The following KPNA3 variants were observed in gnomAD, a reference collection of about 807,000 sequenced individuals.
KPNA3 encodes importin subunit alpha-4.
A neutral mutation model predicts 73.8 loss-of-function variants in KPNA3; 13 were observed. That is an observed-to-expected ratio of 0.18 (90% CI 0.11 to 0.28). The LOEUF (loss-of-function observed/expected upper bound fraction) is 0.28. Ranked by LOEUF, KPNA3 falls within the 10% of genes least tolerant of loss-of-function variation. The pLI is 1.00. For synonymous variants in KPNA3, 186 were observed against 206.9 expected (o/e 0.90, Z 0.87); for missense variants, 360 against 618.1 (o/e 0.58, Z 4.43).
rs565308140 is a variant in KPNA3, at chr13:49,770,689, T to C, written c.69+21749A>G. Among the ~76,000 whole-genome samples the C allele has an allele frequency of 7.2e-5, 11 of 152,064 alleles. No individual in the cohort carries two copies. The East Asian group carries it at 2.1e-3, about 29-fold the overall frequency. On this transcript the variant is annotated intron_variant, in intron 1 of 16. Coordinates refer to ENST00000261667, the MANE Select transcript of KPNA3 (RefSeq NM_002267.4). ...ATGTATATCTTTAATCAACTTTGAG[T>C]TGGTTTTTGCATACTGTGTAAGGCT...
intron 7 of KPNA3, among the ~76,000 whole-genome samples, chr13:49,724,583 A>C (rs1954391844): frequency 6.6e-6 from 1 of 152,084 alleles, no homozygotes; most frequent in Non-Finnish European, 1.5e-5. Flanking sequence ...CTGGGATTAC[A>C]GGCTTGAGCC....
intron 12 of KPNA3, among the ~76,000 whole-genome samples, chr13:49,708,987 T>A (rs1209720118): frequency 2.0e-5 from 3 of 152,220 alleles, no homozygotes; most frequent in Non-Finnish European, 4.4e-5. Context: ...TTGTCTGCAC[T>A]TTCAAGCGGC....
chr13:49,761,546 T>C (rs1285186739), intron 1 of KPNA3, among the ~76,000 whole-genome samples: 23 of 152,146 alleles, frequency 1.5e-4, no homozygotes, highest in Middle Eastern at 3.4e-3. Context: ...CAGTGCTCAA[T>C]GTTGCCCAGG....
At chr13:49,732,309 T>G (rs1594441024) in intron 6 of KPNA3, 62 bp downstream of exon 6, 1 of 755,688 alleles carries the variant, frequency 1.3e-6, no homozygotes, top group East Asian at 2.6e-5. Flanking sequence ...ACTGGTTAAG[T>G]AATAATCCAA....
chr13:49,736,429 T>C (rs1459732974), intron 2 of KPNA3, among the ~76,000 whole-genome samples: 9 of 152,238 alleles, frequency 5.9e-5, no homozygotes, highest in Admixed American at 5.9e-4. Context: ...GTTTCTTTTT[T>C]CCCTGCAGGA....
At chr13:49,729,690 G>A (rs979801724) in intron 6 of KPNA3, among the ~76,000 whole-genome samples, 3 of 152,174 alleles carry the variant, frequency 2.0e-5, no homozygotes, top group African/African-American at 7.2e-5. Flanking sequence ...TGAGGCAGGA[G>A]AATGGCGTGA....
At chr13:49,786,506 T>C (rs565272902) in intron 1 of KPNA3, among the ~76,000 whole-genome samples, 6 of 152,316 alleles carry the variant, frequency 3.9e-5, no homozygotes, top group African/African-American at 1.4e-4. Context: ...TTTTTTGTTT[T>C]TGGTTTTTAA....
intron 1 of KPNA3, among the ~76,000 whole-genome samples, chr13:49,760,188 C>T (rs1954747144): frequency 1.3e-5 from 2 of 152,060 alleles, no homozygotes; most frequent in Admixed American, 1.3e-4. Context: ...TCCAAGAAGA[C>T]TGCTTGAGCT....
In KPNA3 at chr13:49,732,364, T is replaced by C; in HGVS notation, c.383+7A>G. 1 of 1,443,312 alleles carries C rather than the reference T, an allele frequency of 6.9e-7. No individual in the cohort carries two copies. Among genetic ancestry groups the C allele is most frequent in the Non-Finnish European group, 9.6e-7 (1 of 1,042,876 alleles). The allele number at this position is 1,443,312 out of a possible 1,614,324, so 89.4% of individuals were successfully genotyped here. On this transcript the variant is annotated splice_region_variant and intron_variant, in intron 6 of 16. Transcript: ENST00000261667. The stretch of plus-strand genomic sequence containing the variant: ...AAAACTGAATAGGGAGTAAAATCCA[T>C]ACTTACTTATCATCCCTTTCTAGAC...
intron 2 of KPNA3, among the ~76,000 whole-genome samples, chr13:49,734,428 C>T (rs1954500098): frequency 6.6e-6 from 1 of 152,054 alleles, no homozygotes; most frequent in African/African-American, 2.4e-5. Context: ...ACCAGAAGTT[C>T]CCAAACTTTC....
chr13:49,752,629 A>G (rs1354013597), intron 1 of KPNA3, among the ~76,000 whole-genome samples: 2 of 152,216 alleles, frequency 1.3e-5, no homozygotes, highest in Non-Finnish European at 1.5e-5. Flanking sequence ...ATTATTTCAG[A>G]AAGGAACCTA....
At chr13:49,734,946 G>GAGAGAT (rs1555305305) in intron 2 of KPNA3, among the ~76,000 whole-genome samples, 1 of 115,442 alleles carries the variant, frequency 8.7e-6, no homozygotes, top group South Asian at 3.7e-4. Context: ...TATAGAGAGA[G>GAGAGAT]AGATAGATAG....
chr13:49,709,386 C>A (rs1195672830), intron 12 of KPNA3, among the ~76,000 whole-genome samples, 186 bp downstream of exon 12: 1 of 133,744 alleles, frequency 7.5e-6, no homozygotes, highest in East Asian at 2.1e-4. Context: ...AGGCAACAGA[C>A]AGACTCTGTC....
At chr13:49,771,690 A>T (rs9568327) in intron 1 of KPNA3, among the ~76,000 whole-genome samples, 16,496 of 152,066 alleles carry the variant, frequency 0.11, 982 homozygotes, top group African/African-American at 0.15. Context: ...CCCAGGCTGG[A>T]GGCTCTACTG....
At chr13:49,717,652 T>C (rs1954317225) in intron 10 of KPNA3, among the ~76,000 whole-genome samples, 1 of 152,174 alleles carries the variant, frequency 6.6e-6, no homozygotes, top group African/African-American at 2.4e-5. Flanking sequence ...TACCTCTGCT[T>C]CTTTTACAAC....
At chr13:49,763,258 C>G (rs775559702) in intron 1 of KPNA3, among the ~76,000 whole-genome samples, 6 of 152,052 alleles carry the variant, frequency 3.9e-5, no homozygotes, top group Non-Finnish European at 5.9e-5. Context: ...AAGTTAGACA[C>G]ATAACCAAAA....
At chr13:49,764,909 C>T (rs1281781229) in intron 1 of KPNA3, among the ~76,000 whole-genome samples, 1 of 152,222 alleles carries the variant, frequency 6.6e-6, no homozygotes, top group East Asian at 1.9e-4. Context: ...CTCTTGCCAA[C>T]ATTATCAGCA....
At chr13:49,781,906 G>A (rs73194413) in intron 1 of KPNA3, among the ~76,000 whole-genome samples, 1 of 152,128 alleles carries the variant, frequency 6.6e-6, no homozygotes, top group Non-Finnish European at 1.5e-5. Context: ...AATGTATAGA[G>A]TAATTCACAA....
chr13:49,704,235 A>G (rs1954178831), intron 15 of KPNA3, among the ~76,000 whole-genome samples: 1 of 152,052 alleles, frequency 6.6e-6, no homozygotes, highest in Non-Finnish European at 1.5e-5. Flanking sequence ...CAGCCTGACC[A>G]ACACGGAGAA....
Sources: allele counts gnomAD v4.1 joint callset (sites outside exome capture counted in the v4.1 genomes callset), GRCh38; gene constraint gnomAD v4.1.1; transcripts MANE v1.5; gene names NCBI Gene and HGNC (gene_info 2026-07-23, HGNC 2026-07-21).